Variants in TRANK1 observed in about 807,000 individuals in gnomAD.
TRANK1 encodes the protein tetratricopeptide repeat and ankyrin repeat containing 1.
Under a neutral mutation model 266.0 loss-of-function variants are expected in TRANK1, and 198 were observed. That is an observed-to-expected ratio of 0.74 (90% confidence interval 0.66 to 0.84). The LOEUF (loss-of-function observed/expected upper bound fraction) is 0.84, where lower values mean the gene tolerates loss of function less well. Ranked by LOEUF, TRANK1 falls within the 40% of genes least tolerant of loss-of-function variation. TRANK1 has a pLI of 0.00. For synonymous variants in TRANK1, 1,396 were observed against 1,384.1 expected (o/e 1.01, Z -0.19); for missense variants, 3,326 against 3,634.6 (o/e 0.92, Z 2.18).
At chr3:36,851,892 G>GA (rs756571944) in intron 14 of TRANK1, 36 bp from the exon 15 acceptor site, 8 of 1,558,094 alleles carry the variant, frequency 5.1e-6, no homozygotes, top group Non-Finnish European at 6.9e-6. Flanking sequence ...ATTCTACAGA[G>GA]AAAACCCCAG....
At chr3:36,917,006 G>C (rs528823968) in intron 1 of TRANK1, among the ~76,000 whole-genome samples, 2 of 152,168 alleles carry the variant, frequency 1.3e-5, no homozygotes, top group South Asian at 4.1e-4. Context: ...AGTAGAGACA[G>C]AGTTTCACCA....
chr3:36,836,091 T>C (rs2078767460), intron 20 of TRANK1, among the ~76,000 whole-genome samples: 1 of 152,106 alleles, frequency 6.6e-6, no homozygotes, highest in South Asian at 2.1e-4. Flanking sequence ...TTTGAAAAAT[T>C]AGAAAATCAC....
At chr3:36,837,915 G>T (rs1039849580) in intron 20 of TRANK1, among the ~76,000 whole-genome samples, 1 of 152,140 alleles carries the variant, frequency 6.6e-6, no homozygotes, top group African/African-American at 2.4e-5. Flanking sequence ...AATTTAAATT[G>T]TAAATTAAAT....
At chr3:36,927,603 A>G (rs1330615214) in intron 1 of TRANK1, among the ~76,000 whole-genome samples, 1 of 152,162 alleles carries the variant, frequency 6.6e-6, no homozygotes, top group Non-Finnish European at 1.5e-5. Context: ...ACTTGCTCTA[A>G]TAAATCTGCC....
At position 36,842,637 on chromosome 3, in the gene TRANK1, C is replaced by T; in HGVS notation, c.5265G>A (p.Lys1755=). The T allele has an allele frequency of 6.2e-7, 1 of 1,613,934 alleles. No homozygotes were observed. Among genetic ancestry groups the T allele is most frequent in the Non-Finnish European group, 8.5e-7 (1 of 1,179,864 alleles). Residue 1755 remains lysine, a synonymous_variant, in exon 18 of 24, where the codon AAG becomes AAA. Coordinates refer to ENST00000645898, the MANE Select transcript of TRANK1 (RefSeq NM_001329998.2). Reference sequence around the variant, plus strand: ...AACCCCTTACCTTCCAGCACTGGTGCTTGGCGTAGTAATCTCCCTGTGCAA... The same window carrying T: ...AACCCCTTACCTTCCAGCACTGGTGTTTGGCGTAGTAATCTCCCTGTGCAA... ...EWIAQGDYYA[K]HQCWKVAAKC... is the part of the protein sequence containing the mutation.
In TRANK1 at chr3:36,874,417, T is replaced by C. The variant is rs1021189562; in HGVS notation, c.908-121A>G. ...CCAGGGCAAGAGGACTAGGGTCTTC[T>C]GTTTGTGGAGCCTGCACTGCTAGCC... On this transcript the variant is annotated intron_variant, in intron 8 of 23. Coordinates refer to ENST00000645898, the MANE Select transcript of TRANK1 (RefSeq NM_001329998.2). 13 of 1,089,998 alleles carry C rather than the reference T, an allele frequency of 1.2e-5. No individual in the cohort carries two copies. The African/African-American group carries it at 2.1e-4, about 17-fold the overall frequency. The allele number at this position is 1,089,998 out of a possible 1,614,324, so 67.5% of individuals were successfully genotyped here.
intron 5 of TRANK1, among the ~76,000 whole-genome samples, chr3:36,893,839 GC>G (rs1223336006): frequency 2.0e-5 from 3 of 151,726 alleles, no homozygotes; most frequent in African/African-American, 7.3e-5. Context: ...CAGGAACTGA[GC>G]CCATGGCCAC....
intron 1 of TRANK1, among the ~76,000 whole-genome samples, chr3:36,923,193 G>A (rs2080240227): frequency 1.3e-5 from 2 of 151,786 alleles, no homozygotes; most frequent in South Asian, 4.2e-4. Flanking sequence ...TTGCCCTCTT[G>A]TAACATATTT....
intron 21 of TRANK1, chr3:36,834,451 C>T: frequency 3.9e-6 from 1 of 258,422 alleles, no homozygotes; most frequent in Non-Finnish European, 7.2e-6. Context: ...ATTAATGAGG[C>T]TCTGAAGGAC....
At position 36,892,895 on chromosome 3, in the gene TRANK1, C is replaced by G; in HGVS notation, c.636+6G>C. 1 of 1,373,306 alleles carries G rather than the reference C, an allele frequency of 7.3e-7. No homozygotes were observed. Among genetic ancestry groups the G allele is most frequent in the Non-Finnish European group, 9.6e-7 (1 of 1,044,950 alleles). 85.1% of individuals were successfully genotyped at this position (1,373,306 alleles called of 1,614,324 possible). A position where few individuals can be genotyped will look rare whatever the true frequency, so the allele number is the denominator to read the frequency against. ...TAGATATATATAGATATATATATCACCTTACCTCAAAGAGACTTTTCAGTG... is the reference window on the plus strand; with the variant it reads ...TAGATATATATAGATATATATATCAGCTTACCTCAAAGAGACTTTTCAGTG... On this transcript the variant is annotated splice_donor_region_variant and intron_variant, in intron 6 of 23. Coordinates refer to ENST00000645898, the MANE Select transcript of TRANK1 (RefSeq NM_001329998.2).
intron 1 of TRANK1, among the ~76,000 whole-genome samples, chr3:36,938,076 A>G (rs1238463254): frequency 1.3e-5 from 2 of 152,194 alleles, no homozygotes; most frequent in Non-Finnish European, 2.9e-5. Flanking sequence ...TCACTGCTGC[A>G]TGGGGAGGGT....
intron 22 of TRANK1, 61 bp from the exon 23 acceptor site, chr3:36,829,723 A>G: frequency 3.2e-6 from 5 of 1,539,988 alleles, no homozygotes; most frequent in East Asian, 2.2e-5. Flanking sequence ...TAGAACACCA[A>G]TTACTAGACC....
In TRANK1 at chr3:36,879,743, AAT is replaced by A. The variant is rs1553624302; in HGVS notation, c.908-5449_908-5448del. ...ATATATAAATATATATAAATATACA[AAT>A]ATATAAATATATATAAATATATATA... On this transcript the variant is annotated intron_variant, in intron 8 of 23. Transcript: ENST00000645898. Among the ~76,000 whole-genome samples the A allele has an allele frequency of 2.1e-3, 226 of 105,320 alleles. 66 individuals are homozygous for A. The highest frequency in any genetic ancestry group is 9.1e-3 in the African/African-American group (214 of 23,482). The allele number at this position is 105,320 out of a possible 152,430, so 69.1% of individuals were successfully genotyped here.
At chr3:36,898,010 C>T (rs1000736788) in intron 4 of TRANK1, among the ~76,000 whole-genome samples, 4 of 152,192 alleles carry the variant, frequency 2.6e-5, no homozygotes, top group South Asian at 2.1e-4. Flanking sequence ...TTGGGTCCTC[C>T]GCTGATTCTG....
At chr3:36,909,488 T>G (rs1456615706) in intron 1 of TRANK1, among the ~76,000 whole-genome samples, 4 of 152,132 alleles carry the variant, frequency 2.6e-5, no homozygotes, top group Non-Finnish European at 4.4e-5. Context: ...CCTTTAGTAT[T>G]GCTTCCTCTC....
At chr3:36,833,974 T>C (rs1425856448) in intron 21 of TRANK1, 55 bp from the exon 22 acceptor site, 8 of 1,517,074 alleles carry the variant, frequency 5.3e-6, no homozygotes, top group East Asian at 4.5e-5. Flanking sequence ...CAATAGAAAA[T>C]TTCCTCCAAA....
chr3:36,887,512 T>C (rs1034091021), intron 8 of TRANK1, among the ~76,000 whole-genome samples: 8 of 152,230 alleles, frequency 5.3e-5, no homozygotes, highest in African/African-American at 1.7e-4. Flanking sequence ...ATTGGTACCA[T>C]GAATTATGCC....
At chr3:36,889,576 T>C (rs1385798235) in intron 8 of TRANK1, among the ~76,000 whole-genome samples, 1 of 152,182 alleles carries the variant, frequency 6.6e-6, no homozygotes, top group Non-Finnish European at 1.5e-5. Flanking sequence ...CTTGAATGAT[T>C]CAACCCCACA....
At chr3:36,902,538 G>T (rs574136662) in intron 3 of TRANK1, among the ~76,000 whole-genome samples, 1 of 152,222 alleles carries the variant, frequency 6.6e-6, no homozygotes, top group Admixed American at 6.5e-5. Flanking sequence ...GTGCCATGAA[G>T]AGTGGCACTC....
Sources: allele counts gnomAD v4.1 joint callset (sites outside exome capture counted in the v4.1 genomes callset), GRCh38; gene constraint gnomAD v4.1.1; transcripts MANE v1.5; gene names NCBI Gene and HGNC (gene_info 2026-07-23, HGNC 2026-07-21).